Variants in ZDHHC14 observed in about 807,000 individuals in gnomAD.
The protein encoded by ZDHHC14 is zDHHC palmitoyltransferase 14.
A neutral mutation model predicts 47.7 loss-of-function variants in ZDHHC14; 16 were observed. The observed-to-expected ratio is 0.34, with a 90% CI of 0.23 to 0.51. ZDHHC14 has a LOEUF of 0.51. Among genes scored for constraint, ZDHHC14 ranks in the 20% least tolerant of loss-of-function variants. The pLI, the probability that ZDHHC14 is intolerant of heterozygous loss-of-function variation, is 0.97. For missense variants in ZDHHC14, 515 were observed against 662.5 expected (o/e 0.78, Z 2.44); for synonymous variants, 293 against 278.9 (o/e 1.05, Z -0.50).
chr6:157,523,383 A>G (rs1781030213), intron 1 of ZDHHC14, among the ~76,000 whole-genome samples: 1 of 152,074 alleles, frequency 6.6e-6, no homozygotes, highest in Admixed American at 6.6e-5. Flanking sequence ...CTTCATTGCT[A>G]TTGACTTTTT....
intron 1 of ZDHHC14, among the ~76,000 whole-genome samples, chr6:157,468,685 G>T (rs1375636566): frequency 2.0e-5 from 3 of 152,212 alleles, no homozygotes; most frequent in African/African-American, 7.2e-5. Context: ...CATTGGAGGA[G>T]TAATGCTGAT....
intron 1 of ZDHHC14, among the ~76,000 whole-genome samples, chr6:157,512,837 C>T (rs1219565499): frequency 1.3e-5 from 2 of 152,186 alleles, no homozygotes; most frequent in African/African-American, 4.8e-5. Context: ...GAAAATGTTC[C>T]TGTCATTATT....
intron 1 of ZDHHC14, among the ~76,000 whole-genome samples, chr6:157,437,091 T>G (rs890164960): frequency 1.9e-4 from 29 of 152,270 alleles, no homozygotes; most frequent in African/African-American, 7.0e-4. Context: ...AGCCCTACCC[T>G]GGGACTGCAG....
chr6:157,671,912 G>T (rs755434915), intron 8 of ZDHHC14, among the ~76,000 whole-genome samples: 1 of 152,150 alleles, frequency 6.6e-6, no homozygotes, highest in Non-Finnish European at 1.5e-5. Context: ...TATTAAGTCC[G>T]TTGATGTTGT....
At chr6:157,500,609 G>A (rs1583713986) in intron 1 of ZDHHC14, among the ~76,000 whole-genome samples, 1 of 152,276 alleles carries the variant, frequency 6.6e-6, no homozygotes, top group East Asian at 1.9e-4. Context: ...GCCAGTGGAT[G>A]AATGTGGGGT....
intron 3 of ZDHHC14, among the ~76,000 whole-genome samples, chr6:157,604,477 C>A (rs1784452797): frequency 6.6e-6 from 1 of 152,054 alleles, no homozygotes; most frequent in Non-Finnish European, 1.5e-5. Context: ...TAGAACAATA[C>A]AGCCTCTCAC....
At chr6:157,505,776 C>T (rs1780311387) in intron 1 of ZDHHC14, among the ~76,000 whole-genome samples, 1 of 152,180 alleles carries the variant, frequency 6.6e-6, no homozygotes, top group African/African-American at 2.4e-5. Flanking sequence ...ATTGAGTCTT[C>T]ATCTTTGTGT....
rs1026451224 is a variant in ZDHHC14 at position 157,676,860 on chromosome 6, T to G, written c.*3738T>G. The G allele has an allele frequency of 2.6e-5, 4 of 152,296 alleles. No homozygotes were observed. The highest frequency in any genetic ancestry group is 9.6e-5 in the African/African-American group (4 of 41,466). The allele number at this position is 152,296 out of a possible 1,614,324, so 9.4% of individuals were successfully genotyped here. On this transcript the variant is annotated 3_prime_UTR_variant, in exon 9 of 9. Transcript: ENST00000359775. ...GCCAGGAACCAACTGCTTCTCAGCC[T>G]CGGCTTAGGGTCTTAAGTTCACCAG...
intron 8 of ZDHHC14, among the ~76,000 whole-genome samples, chr6:157,662,216 C>G (rs1303047445): frequency 6.6e-6 from 1 of 151,058 alleles, no homozygotes; most frequent in African/African-American, 2.4e-5. Context: ...GAGTCTCACT[C>G]TGTCGCCCAG....
At chr6:157,559,480 C>T (rs1270498457) in intron 2 of ZDHHC14, among the ~76,000 whole-genome samples, 1 of 152,234 alleles carries the variant, frequency 6.6e-6, no homozygotes, top group Non-Finnish European at 1.5e-5. Context: ...TTGGCCACCA[C>T]CCTGTGCCTG....
chr6:157,410,520 A>G (rs1203938383), intron 1 of ZDHHC14, among the ~76,000 whole-genome samples: 4 of 152,218 alleles, frequency 2.6e-5, no homozygotes, highest in African/African-American at 9.6e-5. Context: ...TACCAACTCA[A>G]TTATCTGGCA....
At chr6:157,516,247 C>T (rs1780688409) in intron 1 of ZDHHC14, among the ~76,000 whole-genome samples, 1 of 152,196 alleles carries the variant, frequency 6.6e-6, no homozygotes, top group African/African-American at 2.4e-5. Flanking sequence ...TACATTCTAA[C>T]GTTGATACTT....
intron 5 of ZDHHC14, among the ~76,000 whole-genome samples, chr6:157,644,612 C>T (rs570566665): frequency 6.6e-6 from 1 of 152,346 alleles, no homozygotes; most frequent in East Asian, 1.9e-4. Context: ...CACGGCACCG[C>T]ACTGGGTAAT....
At position 157,628,275 on chromosome 6, in the gene ZDHHC14, C is replaced by T. The variant is rs533037308; in HGVS notation, c.566-74C>T. The T allele has an allele frequency of 1.8e-5, 24 of 1,358,424 alleles. No homozygotes were observed. The East Asian group carries it at 3.0e-4, about 17-fold the overall frequency. The allele number at this position is 1,358,424 out of a possible 1,614,324, so 84.1% of individuals were successfully genotyped here. ...CTATCAGAGTATTGGGTGGGAGGGGCGGGGCTCCTGCAAGTAAAAAGACAT... is the reference window on the plus strand; with the variant it reads ...CTATCAGAGTATTGGGTGGGAGGGGTGGGGCTCCTGCAAGTAAAAAGACAT... On this transcript the variant is annotated intron_variant, in intron 3 of 8. Transcript: ENST00000359775.
intron 1 of ZDHHC14, among the ~76,000 whole-genome samples, chr6:157,383,481 C>T (rs143602159): frequency 6.6e-6 from 1 of 152,190 alleles, no homozygotes; most frequent in African/African-American, 2.4e-5. Flanking sequence ...CTGGCTTTTG[C>T]TCTTCCAAAT....
chr6:157,460,004 G>A (rs569478159), intron 1 of ZDHHC14, among the ~76,000 whole-genome samples: 30 of 148,754 alleles, frequency 2.0e-4, no homozygotes, highest in African/African-American at 7.4e-4. Context: ...TTGAGGTCAG[G>A]AGTTCGAGAC....
At chr6:157,670,114 G>C (rs1000775417) in intron 8 of ZDHHC14, among the ~76,000 whole-genome samples, 4 of 152,164 alleles carry the variant, frequency 2.6e-5, no homozygotes, top group Non-Finnish European at 4.4e-5. Flanking sequence ...TCTGCAGCCT[G>C]CTCAGTAGCC....
chr6:157,606,757 G>T (rs1047464167), intron 3 of ZDHHC14, among the ~76,000 whole-genome samples: 5 of 152,236 alleles, frequency 3.3e-5, no homozygotes, highest in African/African-American at 1.2e-4. Context: ...TCTAGGGTTT[G>T]TTTAGAGCAG....
intron 1 of ZDHHC14, among the ~76,000 whole-genome samples, chr6:157,446,922 T>C (rs113397948): frequency 0.16 from 24,837 of 151,244 alleles, 2,364 homozygotes; most frequent in Middle Eastern, 0.25. Context: ...AGTTCGAGAC[T>C]AGCCTGGCCA....
Sources: allele counts gnomAD v4.1 joint callset (sites outside exome capture counted in the v4.1 genomes callset), GRCh38; gene constraint gnomAD v4.1.1; transcripts MANE v1.5; gene names NCBI Gene and HGNC (gene_info 2026-07-23, HGNC 2026-07-21).